PTPRF: variants seen among roughly 807,000 people sequenced by gnomAD.
PTPRF encodes the protein receptor-type tyrosine-protein phosphatase F.
Under a neutral mutation model 201.8 loss-of-function variants are expected in PTPRF, and 59 were observed. That is an observed-to-expected ratio of 0.29 (90% confidence interval 0.24 to 0.36). PTPRF has a LOEUF of 0.36. Among genes scored for constraint, PTPRF ranks in the 10% least tolerant of loss-of-function variants. PTPRF has a pLI of 1.00. For missense variants in PTPRF, 2,132 were observed against 2,690.5 expected (o/e 0.79, Z 4.59); for synonymous variants, 1,088 against 1,089.7 (o/e 1.00, Z 0.03).
intron 5 of PTPRF, among the ~76,000 whole-genome samples, chr1:43,558,621 C>A (rs979617760): frequency 6.6e-6 from 1 of 152,140 alleles, no homozygotes; most frequent in African/African-American, 2.4e-5. Context: ...GCCTCTCCCT[C>A]GCCGGGTAAT....
At position 43,576,161 on chromosome 1, in the gene PTPRF, G is replaced by A. The variant is rs184832157; in HGVS notation, c.569-2649G>A. On this transcript the variant is annotated intron_variant, in intron 6 of 33. Coordinates refer to ENST00000359947, the MANE Select transcript of PTPRF (RefSeq NM_002840.5). ...ATTGTGAAGATACTCGCCGGGCCCC[G>A]CCTAGGACAGCAAGCCCTGCTGCCC... 1.5e-4 allele frequency among the ~76,000 whole-genome samples: 23 copies of A among 152,320 alleles called. No individual in the cohort carries two copies. The South Asian group carries it at 3.3e-3, about 22-fold the overall frequency.
At chr1:43,532,813 C>T (rs1643727696) in intron 1 of PTPRF, among the ~76,000 whole-genome samples, 1 of 152,136 alleles carries the variant, frequency 6.6e-6, no homozygotes, top group South Asian at 2.1e-4. Flanking sequence ...ATTCTCAGCC[C>T]CAGGCACAGG....
rs945253414 is a variant in PTPRF, at chr1:43,554,165, C to T, written c.379+224C>T. Among the ~76,000 whole-genome samples, 3 of 152,206 alleles carry T rather than the reference C, an allele frequency of 2.0e-5. No homozygotes were observed. In the East Asian group the frequency reaches 5.8e-4, roughly 29 times the overall value. The stretch of plus-strand genomic sequence containing the variant: ...ATGTGGGGCATGATGCCTTTGTATT[C>T]TCCTGCTGAGCCGGGTCGTTGGTTG... On this transcript the variant is annotated intron_variant, in intron 5 of 33. Transcript: ENST00000359947. This position sits in a 1 kb window ranked among gnomAD's most constrained non-coding sequence, Gnocchi z 4.1.
Position 43,606,396 on chromosome 1 carries a change from C to A in PTPRF, c.3640C>A (p.Leu1214Met), listed in dbSNP as rs1557839643. Reference sequence around the variant, plus strand: ...CTACCGGGGCTTCTACAACCGGCCCCTGTCTCCGGACTTGAGCTACCAGTG... The same window carrying A: ...CTACCGGGGCTTCTACAACCGGCCCATGTCTCCGGACTTGAGCTACCAGTG... ...KNYRGFYNRPLSPDLSYQCFV... is the reference protein window; with the variant it reads ...KNYRGFYNRPMSPDLSYQCFV... Residue 1214 changes from leucine to methionine, a missense_variant, in exon 20 of 34, where the codon CTG becomes ATG. This residue lies in a region of PTPRF where 818 missense variants were observed against 915.3 expected (regional missense o/e 0.89). Transcript: ENST00000359947. 1 of 1,614,202 alleles carries A rather than the reference C, an allele frequency of 6.2e-7. No individual in the cohort carries two copies. Among genetic ancestry groups the A allele is most frequent in the Non-Finnish European group, 8.5e-7 (1 of 1,180,024 alleles).
Position 43,603,068 on chromosome 1 carries a change from G to A in PTPRF, c.2341-348G>A, listed in dbSNP as rs1253486599. Among the ~76,000 whole-genome samples the A allele has an allele frequency of 6.6e-6, 1 of 152,298 alleles. No homozygotes were observed. The highest frequency in any genetic ancestry group is 1.9e-4 in the East Asian group (1 of 5,180). ...TGTGCGTGTGGCTGCCAAGAGCCAC[G>A]CAAGGTGCTGGGTGCGTGCGAGGCT... is the stretch of plus-strand genomic sequence containing the variant. On this transcript the variant is annotated intron_variant, in intron 14 of 33. Coordinates refer to ENST00000359947, the MANE Select transcript of PTPRF (RefSeq NM_002840.5). The surrounding 1 kb of genome is among the most constrained non-coding windows in gnomAD (Gnocchi z 5.8).
intron 3 of PTPRF, among the ~76,000 whole-genome samples, chr1:43,551,004 G>A (rs1471504243): frequency 2.0e-5 from 3 of 152,222 alleles, no homozygotes; most frequent in African/African-American, 2.4e-5. Flanking sequence ...CAGACCCCGC[G>A]GCTTTGTCTG....
chr1:43,525,504 T>C (rs1182935060), upstream of PTPRF, among the ~76,000 whole-genome samples: 1 of 152,036 alleles, frequency 6.6e-6, no homozygotes, highest in Non-Finnish European at 1.5e-5. Flanking sequence ...AGAGTCATTA[T>C]ATCAAGAGCA....
At position 43,553,736 on chromosome 1, in the gene PTPRF, A is replaced by C. The variant is rs1645174627; in HGVS notation, c.238-64A>C. 6.2e-7 allele frequency: 1 copy of C among 1,610,684 alleles called. No homozygotes were observed. Among genetic ancestry groups the C allele is most frequent in the African/African-American group, 1.3e-5 (1 of 74,878 alleles). ...ATGGACCTTTTGGAGGTGGGAGGAC[A>C]ACTGACCCTGAGCAGGCTCCTGTGT... is the stretch of plus-strand genomic sequence containing the variant. On this transcript the variant is annotated intron_variant, in intron 4 of 33. Coordinates refer to ENST00000359947, the MANE Select transcript of PTPRF (RefSeq NM_002840.5). This position sits in a 1 kb window ranked among gnomAD's most constrained non-coding sequence, Gnocchi z 4.1.
At chr1:43,596,775 G>T (rs1652367709) in intron 11 of PTPRF, among the ~76,000 whole-genome samples, 2 of 152,210 alleles carry the variant, frequency 1.3e-5, no homozygotes, top group Admixed American at 1.3e-4. Context: ...GCGGGTGGCA[G>T]TGGGATGGCC....
chr1:43,617,722 T>C lies in PTPRF; in HGVS notation c.4196-14T>C, dbSNP rs1557869071. On this transcript the variant is annotated splice_polypyrimidine_tract_variant and intron_variant, in intron 24 of 33. Coordinates refer to ENST00000359947, the MANE Select transcript of PTPRF (RefSeq NM_002840.5). ...CCTGTAGTAATGCCCTCCCACCTCC[T>C]TTCTTATCCATAGGCGTCCCCGGGA... 6.2e-7 allele frequency: 1 copy of C among 1,609,452 alleles called. No individual in the cohort carries two copies. Among genetic ancestry groups the C allele is most frequent in the Non-Finnish European group, 8.5e-7 (1 of 1,176,428 alleles).
intron 3 of PTPRF, among the ~76,000 whole-genome samples, chr1:43,549,317 C>T (rs1440088366): frequency 1.3e-5 from 2 of 152,206 alleles, no homozygotes; most frequent in Non-Finnish European, 2.9e-5. Flanking sequence ...GGACCTGACA[C>T]TGTGGGATCT....
intron 3 of PTPRF, among the ~76,000 whole-genome samples, chr1:43,549,222 TTG>T (rs1644870414): frequency 6.6e-6 from 1 of 152,200 alleles, no homozygotes; most frequent in South Asian, 2.1e-4. Flanking sequence ...GTCTCAGAAG[TTG>T]TGTTCCGACC....
chr1:43,592,427 C>T (rs868097422), intron 10 of PTPRF, 30 bp from the exon 11 acceptor site: 1 of 1,583,484 alleles, frequency 6.3e-7, no homozygotes. Context: ...GAGCTCAGAG[C>T]TGTCAGTGAG....
Position 43,610,474 on chromosome 1 carries a change from A to G in PTPRF, c.3973+976A>G, listed in dbSNP as rs186908765. On this transcript the variant is annotated intron_variant, in intron 22 of 33. Coordinates refer to ENST00000359947, the MANE Select transcript of PTPRF (RefSeq NM_002840.5). The stretch of plus-strand genomic sequence containing the variant: ...GGAACAGCTTGTCTTTATTCCAGAA[A>G]GTCTGGGCCCTCAGCCGGAAGACTT... Among the ~76,000 whole-genome samples the G allele has an allele frequency of 8.9e-4, 135 of 152,364 alleles. 1 individual carries two copies. Among genetic ancestry groups the G allele is most frequent in the Middle Eastern group, 3.4e-3 (1 of 294 alleles).
In PTPRF at chr1:43,619,296, T is replaced by C. The variant is rs917715521; in HGVS notation, c.4655T>C (p.Val1552Ala). Residue 1552 changes from valine to alanine, a missense_variant, in exon 28 of 34, where the codon GTG (valine) becomes GCG (alanine). Val to Ala is a moderately conservative substitution (Grantham distance 64). Around this residue, in one of 6 missense-constraint regions of PTPRF, gnomAD observed 519 missense variants for 659.5 expected, o/e 0.79. Coordinates refer to ENST00000359947, the MANE Select transcript of PTPRF (RefSeq NM_002840.5). ...GAGCCCGTGTCCTGCAGCGCGGGCG[T>C]GGGCCGCACCGGCTGCTTCATCGTG... ...GPMVVHCSAG[V>A]GRTGCFIVID... is the part of the protein sequence containing the mutation. The C allele has an allele frequency of 2.5e-6, 4 of 1,613,300 alleles. No individual in the cohort carries two copies. Among genetic ancestry groups the C allele is most frequent in the Non-Finnish European group, 3.4e-6 (4 of 1,179,940 alleles).
At chr1:43,573,682 C>T (rs1192939807) in intron 6 of PTPRF, among the ~76,000 whole-genome samples, 1 of 152,248 alleles carries the variant, frequency 6.6e-6, no homozygotes, top group African/African-American at 2.4e-5. Context: ...ACGAATACAC[C>T]CCTAAGGATG....
chr1:43,528,958 G>T (rs902207780), upstream of PTPRF, among the ~76,000 whole-genome samples: 1 of 152,192 alleles, frequency 6.6e-6, no homozygotes, highest in African/African-American at 2.4e-5. Context: ...AGAAGACGAG[G>T]TGGTAAAGGA....
intron 13 of PTPRF, among the ~76,000 whole-genome samples, chr1:43,600,035 T>G (rs997800026): frequency 6.6e-6 from 1 of 152,158 alleles, no homozygotes; most frequent in Admixed American, 6.5e-5. Flanking sequence ...ACAGGAGCCT[T>G]ATTCCTCCAG....
At chr1:43,523,110 G>A (rs540582074), upstream of PTPRF, among the ~76,000 whole-genome samples, 1 of 152,284 alleles carries the variant, frequency 6.6e-6, no homozygotes, top group African/African-American at 2.4e-5. Flanking sequence ...ACAGGATTCT[G>A]GCTTGCCTAT....
Sources: allele counts gnomAD v4.1 joint callset (sites outside exome capture counted in the v4.1 genomes callset), GRCh38; gene constraint gnomAD v4.1.1; regional missense constraint gnomAD v4.1.1; non-coding constraint Gnocchi (gnomAD v3.1); transcripts MANE v1.5; gene names NCBI Gene and HGNC (gene_info 2026-07-23, HGNC 2026-07-21).